Variants in PRMT8 observed in about 807,000 individuals in gnomAD.
PRMT8 encodes the protein protein arginine N-methyltransferase 8.
In PRMT8, 7 loss-of-function variants were observed where a neutral mutation model predicts 47.1. The observed-to-expected ratio is 0.15, with a 90% CI of 0.08 to 0.28. The LOEUF (loss-of-function observed/expected upper bound fraction) is 0.28. PRMT8 is among the 10% of genes least tolerant of loss of function. The probability of loss-of-function intolerance (pLI) is 1.00; values close to 1 mark genes in which losing one functional copy is unlikely to be tolerated. For synonymous variants in PRMT8, 188 were observed against 186.5 expected (o/e 1.01, Z -0.07); for missense variants, 237 against 505.4 (o/e 0.47, Z 5.09).
Position 3,508,093 on chromosome 12 carries a change from G to A in PRMT8, c.75+16393G>A, listed in dbSNP as rs1261044660. On this transcript the variant is annotated intron_variant, in intron 1 of 9. Coordinates refer to ENST00000382622, the MANE Select transcript of PRMT8 (RefSeq NM_019854.5). The surrounding 1 kb of genome is among the most constrained non-coding windows in gnomAD (Gnocchi z 4.9). ...AGGATTACATTTGATAATGGGATACGACATAAAGCTGGTAGATGTTTTCTT... is the reference window on the plus strand; with the variant it reads ...AGGATTACATTTGATAATGGGATACAACATAAAGCTGGTAGATGTTTTCTT... Among the ~76,000 whole-genome samples the A allele has an allele frequency of 6.6e-6, 1 of 152,130 alleles. No individual in the cohort carries two copies. The highest frequency in any genetic ancestry group is 1.5e-5 in the Non-Finnish European group (1 of 68,032).
Position 3,530,646 on chromosome 12 carries a change from A to G in PRMT8, c.76-9960A>G, listed in dbSNP as rs190089008. Among the ~76,000 whole-genome samples, 3 of 152,274 alleles carry G rather than the reference A, an allele frequency of 2.0e-5. No homozygotes were observed. In the East Asian group the frequency reaches 5.8e-4, roughly 29 times the overall value. On this transcript the variant is annotated intron_variant, in intron 1 of 9. Transcript: ENST00000382622. ...CTCAGAGGACGAAGGGCAGAACCAA[A>G]GGCTTGAGAGTGCACAATGTGTAAG...
chr12:3,418,409 A>T (rs1319678821), intron 1 of PRMT8, among the ~76,000 whole-genome samples: 1 of 152,194 alleles, frequency 6.6e-6, no homozygotes, highest in Admixed American at 6.5e-5. Context: ...CTCTGGCAGG[A>T]CAGTGCCAAT....
intron 1 of PRMT8, among the ~76,000 whole-genome samples, chr12:3,435,516 CTTTT>C (rs1405705974): frequency 1.4e-5 from 2 of 146,320 alleles, no homozygotes; most frequent in Non-Finnish European, 3.0e-5. Context: ...TTTTTTTCTT[CTTTT>C]TTTTTCTTTT....
intron 1 of PRMT8, among the ~76,000 whole-genome samples, chr12:3,398,993 C>G (rs1402816935): frequency 2.6e-5 from 4 of 152,184 alleles, no homozygotes; most frequent in African/African-American, 4.8e-5. Context: ...AAGGAATGGG[C>G]TTGTTCCCAG....
At chr12:3,452,109 A>AAGACC (rs1239737876) in intron 1 of PRMT8, among the ~76,000 whole-genome samples, 2 of 152,186 alleles carry the variant, frequency 1.3e-5, no homozygotes, top group Non-Finnish European at 2.9e-5. Flanking sequence ...GTTGCTTTCA[A>AAGACC]AGACCACAAA....
At position 3,541,047 on chromosome 12, in the gene PRMT8, C is replaced by T. The variant is rs186133467; in HGVS notation, c.261+256C>T. Among the ~76,000 whole-genome samples, 39 of 152,314 alleles carry T rather than the reference C, an allele frequency of 2.6e-4. 1 individual carries two copies. The South Asian group carries it at 5.4e-3, about 21-fold the overall frequency. ...AGAGAGCACACAAGGTGCTTACGGTCCATTTGTTTTACATTCCAGCTCCCG... is the reference window on the plus strand; with the variant it reads ...AGAGAGCACACAAGGTGCTTACGGTTCATTTGTTTTACATTCCAGCTCCCG... On this transcript the variant is annotated intron_variant, in intron 2 of 9. Coordinates refer to ENST00000382622, the MANE Select transcript of PRMT8 (RefSeq NM_019854.5).
At chr12:3,590,134 T>C (rs1226229443) in intron 8 of PRMT8, among the ~76,000 whole-genome samples, 2 of 152,342 alleles carry the variant, frequency 1.3e-5, no homozygotes, top group East Asian at 3.9e-4. Flanking sequence ...CTGAAAGGGA[T>C]AGACTGCACA....
At chr12:3,426,176 A>G (rs1864602992) in intron 1 of PRMT8, among the ~76,000 whole-genome samples, 1 of 152,214 alleles carries the variant, frequency 6.6e-6, no homozygotes, top group Non-Finnish European at 1.5e-5. Flanking sequence ...AAAGGGGACA[A>G]TGTGGGCCTC....
At position 3,517,683 on chromosome 12, in the gene PRMT8, C is replaced by T. The variant is rs1210157410; in HGVS notation, c.76-22923C>T. ...CAGGGAAAAGCTCAAACACAGAAAC[C>T]AGCTGAAAATGAGAAACTGAAATTC... On this transcript the variant is annotated intron_variant, in intron 1 of 9. Transcript: ENST00000382622. Among the ~76,000 whole-genome samples the T allele has an allele frequency of 2.6e-5, 4 of 151,976 alleles. No homozygotes were observed. In the East Asian group the frequency reaches 7.7e-4, roughly 29 times the overall value.
At chr12:3,573,530 G>A (rs772427728) in intron 6 of PRMT8, among the ~76,000 whole-genome samples, 10 of 152,132 alleles carry the variant, frequency 6.6e-5, no homozygotes, top group Non-Finnish European at 1.2e-4. Context: ...CCTTTCTCAT[G>A]TGTCTTATAA....
intron 1 of PRMT8, among the ~76,000 whole-genome samples, chr12:3,429,353 A>G (rs1864647951): frequency 6.6e-6 from 1 of 152,148 alleles, no homozygotes; most frequent in Admixed American, 6.5e-5. Context: ...TAACACCGTA[A>G]TCTCCCTTAA....
chr12:3,401,898 A>G (rs562125461), intron 1 of PRMT8, among the ~76,000 whole-genome samples: 3 of 152,240 alleles, frequency 2.0e-5, no homozygotes, highest in Admixed American at 2.0e-4. Flanking sequence ...GAAAATGGCC[A>G]TACTGCCCAA....
chr12:3,439,008 G>A (rs995103716), intron 1 of PRMT8, among the ~76,000 whole-genome samples: 4 of 152,148 alleles, frequency 2.6e-5, no homozygotes, highest in African/African-American at 9.7e-5. Flanking sequence ...GGATGTTAAA[G>A]TTTTTCACAT....
intron 4 of PRMT8, among the ~76,000 whole-genome samples, chr12:3,561,225 C>T (rs1866631110): frequency 6.6e-6 from 1 of 152,176 alleles, no homozygotes; most frequent in Non-Finnish European, 1.5e-5. Flanking sequence ...GAATTAAACA[C>T]AGCCAGTCAA....
intron 1 of PRMT8, among the ~76,000 whole-genome samples, chr12:3,394,471 T>C (rs1386086117): frequency 1.3e-5 from 2 of 152,094 alleles, no homozygotes; most frequent in Admixed American, 6.5e-5. Flanking sequence ...GAGATAATCA[T>C]GTGGTTTTTG....
chr12:3,567,022 G>A (rs925944027), intron 4 of PRMT8, among the ~76,000 whole-genome samples: 2 of 152,320 alleles, frequency 1.3e-5, no homozygotes, highest in Admixed American at 1.3e-4. Context: ...CAACTAAGAA[G>A]TGTCTCCTCC....
chr12:3,420,937 C>T lies in PRMT8; in HGVS notation c.48+39495C>T, dbSNP rs143867672. Reference sequence around the variant, plus strand: ...CGTGGGGAAGGGTGAAGCCCTGGGACGGGGAGCACAGCATCTACTGCATGT... The same window carrying T: ...CGTGGGGAAGGGTGAAGCCCTGGGATGGGGAGCACAGCATCTACTGCATGT... On this transcript the variant is annotated intron_variant, in intron 1 of 9. Coordinates refer to the PRMT8 transcript ENST00000452611. 5.3e-4 allele frequency among the ~76,000 whole-genome samples: 81 copies of T among 152,252 alleles called. 1 individual carries two copies. The East Asian group carries it at 0.012, about 22-fold the overall frequency.
At chr12:3,592,541 C>T (rs778513876) in intron 9 of PRMT8, among the ~76,000 whole-genome samples, 189 bp downstream of exon 9, 15 of 152,064 alleles carry the variant, frequency 9.9e-5, no homozygotes, top group East Asian at 1.9e-4. Context: ...CTCAAAACTC[C>T]GCAAATAGAG....
chr12:3,563,936 C>CA (rs1243654119), intron 4 of PRMT8, among the ~76,000 whole-genome samples: 2 of 151,982 alleles, frequency 1.3e-5, no homozygotes, highest in Non-Finnish European at 2.9e-5. Context: ...ATGCCCCCCA[C>CA]CTTTTTTCCT....
Sources: allele counts gnomAD v4.1 joint callset (sites outside exome capture counted in the v4.1 genomes callset), GRCh38; gene constraint gnomAD v4.1.1; non-coding constraint Gnocchi (gnomAD v3.1); transcripts MANE v1.5; gene names NCBI Gene and HGNC (gene_info 2026-07-23, HGNC 2026-07-21).